Variants in MCCC2 observed in about 807,000 individuals in gnomAD.
The protein encoded by MCCC2 is methylcrotonyl-CoA carboxylase subunit 2.
Under a neutral mutation model 77.2 loss-of-function variants are expected in MCCC2, and 52 were observed. That is an observed-to-expected ratio of 0.67 (90% CI 0.54 to 0.85). The LOEUF (loss-of-function observed/expected upper bound fraction) is 0.85, where lower values mean the gene tolerates loss of function less well. Among genes scored for constraint, MCCC2 ranks in the 40% least tolerant of loss-of-function variants. The probability of loss-of-function intolerance (pLI) is 0.00; values close to 1 mark genes in which losing one functional copy is unlikely to be tolerated. For missense variants in MCCC2, 682 were observed against 703.2 expected, an observed-to-expected ratio of 0.97 and a Z score of 0.34; for synonymous variants, 253 against 248.4, an observed-to-expected ratio of 1.02 and a Z score of -0.18.
chr5:71,633,137 AT>A (rs1294234605), intron 8 of MCCC2, among the ~76,000 whole-genome samples: 3 of 68,118 alleles, frequency 4.4e-5, no homozygotes, highest in Middle Eastern at 0.011. Flanking sequence ...ATATATTTTT[AT>A]TTTTTGTAGA....
intron 6 of MCCC2, among the ~76,000 whole-genome samples, chr5:71,610,254 G>A (rs982295100): frequency 1.3e-4 from 20 of 152,192 alleles, no homozygotes; most frequent in African/African-American, 2.2e-4. Context: ...AGCCAGGTGC[G>A]GGATATAATC....
At chr5:71,630,780 T>C (rs765612232) in intron 7 of MCCC2, among the ~76,000 whole-genome samples, 8 of 152,176 alleles carry the variant, frequency 5.3e-5, no homozygotes, top group Non-Finnish European at 1.2e-4. Context: ...TTTCTTTTTG[T>C]TTCAGGGCTC....
At chr5:71,616,803 A>C (rs754250195) in intron 6 of MCCC2, among the ~76,000 whole-genome samples, 11 of 152,174 alleles carry the variant, frequency 7.2e-5, no homozygotes, top group Non-Finnish European at 1.5e-4. Context: ...CACAAAGTGA[A>C]CACATCCTAA....
rs775694469 is a variant in MCCC2 at position 71,643,811 on chromosome 5, C to A, written c.1073-8C>A. On this transcript the variant is annotated splice_region_variant and splice_polypyrimidine_tract_variant and intron_variant, in intron 11 of 16. Coordinates refer to ENST00000340941, the MANE Select transcript of MCCC2 (RefSeq NM_022132.5). Reference sequence around the variant, plus strand: ...AAGACATAAATCTTCTTTGAACTTTCTTTTGAGGATTTGCTCGAATATTTG... The same window carrying A: ...AAGACATAAATCTTCTTTGAACTTTATTTTGAGGATTTGCTCGAATATTTG... The A allele has an allele frequency of 6.2e-7, 1 of 1,614,046 alleles. No homozygotes were observed. The highest frequency in any genetic ancestry group is 1.1e-5 in the South Asian group (1 of 91,076).
intron 7 of MCCC2, among the ~76,000 whole-genome samples, chr5:71,627,125 G>T (rs527320499): frequency 6.6e-6 from 1 of 152,310 alleles, no homozygotes; most frequent in African/African-American, 2.4e-5. Context: ...ATTTCACTTA[G>T]CAAAACGTCT....
At chr5:71,611,983 T>G (rs1745969141) in intron 6 of MCCC2, among the ~76,000 whole-genome samples, 3 of 151,950 alleles carry the variant, frequency 2.0e-5, no homozygotes, top group Admixed American at 2.0e-4. Context: ...AGAGACAGGG[T>G]TTCACCACAT....
At chr5:71,645,333 T>A (rs1346371567) in intron 12 of MCCC2, among the ~76,000 whole-genome samples, 2 of 152,174 alleles carry the variant, frequency 1.3e-5, no homozygotes, top group Non-Finnish European at 2.9e-5. Flanking sequence ...CCAGCAGAAG[T>A]AAAGAGAAAT....
intron 1 of MCCC2, among the ~76,000 whole-genome samples, chr5:71,590,509 C>A (rs1394892089): frequency 3.9e-5 from 6 of 152,152 alleles, no homozygotes; most frequent in Admixed American, 2.6e-4. Context: ...TAGTTTCATT[C>A]CATTGTGATT....
intron 5 of MCCC2, among the ~76,000 whole-genome samples, chr5:71,603,684 GTC>G (rs779837388): frequency 3.3e-5 from 5 of 152,144 alleles, no homozygotes; most frequent in Non-Finnish European, 7.3e-5. Flanking sequence ...GGATTTTGTT[GTC>G]TCTGTCTTCA....
At chr5:71,651,391 T>G (rs1424287916) in intron 15 of MCCC2, among the ~76,000 whole-genome samples, 1 of 152,222 alleles carries the variant, frequency 6.6e-6, no homozygotes, top group Non-Finnish European at 1.5e-5. Context: ...ATTCTTTTGT[T>G]TGTGTCTCTG....
Position 71,633,131 on chromosome 5 carries a change from A to ATTTTTTTTTTTT in MCCC2, c.803+951_803+952insTTTTTTTTTTTT, listed in dbSNP as rs1306338509. The stretch of plus-strand genomic sequence containing the variant: ...TATATATATATATATATATATATAT[A>ATTTTTTTTTTTT]TTTTTATTTTTTGTAGAAACAGGTG... On this transcript the variant is annotated intron_variant, in intron 8 of 16. Coordinates refer to ENST00000340941, the MANE Select transcript of MCCC2 (RefSeq NM_022132.5). Among the ~76,000 whole-genome samples the ATTTTTTTTTTTT allele has an allele frequency of 1.1e-3, 83 of 78,046 alleles. 2 individuals carry two copies. The highest frequency in any genetic ancestry group is 4.9e-3 in the East Asian group (10 of 2,050). The allele number at this position is 78,046 out of a possible 152,430, so 51.2% of individuals were successfully genotyped here. A position where few individuals can be genotyped will look rare whatever the true frequency, so the allele number is the denominator to read the frequency against.
At chr5:71,644,026 C>T (rs999309824) in intron 12 of MCCC2, 131 bp downstream of exon 12, 25 of 907,946 alleles carry the variant, frequency 2.8e-5, no homozygotes, top group East Asian at 6.1e-5. Flanking sequence ...ACACTGTGTG[C>T]GCGGGCATGT....
At chr5:71,593,798 A>G (rs1745074389) in intron 2 of MCCC2, among the ~76,000 whole-genome samples, 1 of 152,240 alleles carries the variant, frequency 6.6e-6, no homozygotes, top group African/African-American at 2.4e-5. Context: ...CAACAAGTAT[A>G]TAATACTTAA....
chr5:71,628,433 G>A (rs1236020364), intron 7 of MCCC2, among the ~76,000 whole-genome samples: 1 of 152,108 alleles, frequency 6.6e-6, no homozygotes, highest in Admixed American at 6.6e-5. Flanking sequence ...TGCTTTTGGT[G>A]TCTTATCCAA....
At chr5:71,595,987 G>A (rs879193462) in intron 2 of MCCC2, among the ~76,000 whole-genome samples, 1 of 152,112 alleles carries the variant, frequency 6.6e-6, no homozygotes, top group Admixed American at 6.6e-5. Flanking sequence ...TGCAATATGT[G>A]AGCTGCAGAG....
chr5:71,656,889 A>T lies in MCCC2; in HGVS notation c.*29A>T, dbSNP rs768044995. 3 of 1,548,238 alleles carry T rather than the reference A, an allele frequency of 1.9e-6. No homozygotes were observed. Among genetic ancestry groups the T allele is most frequent in the East Asian group, 4.5e-5 (2 of 44,502 alleles). ...GAATAAAGGATGTTTTCTGTTGGACATGTACTGAAAATTAACACATGTAGT... is the reference window on the plus strand; with the variant it reads ...GAATAAAGGATGTTTTCTGTTGGACTTGTACTGAAAATTAACACATGTAGT... On this transcript the variant is annotated 3_prime_UTR_variant, in exon 17 of 17. Coordinates refer to ENST00000340941, the MANE Select transcript of MCCC2 (RefSeq NM_022132.5).
At chr5:71,609,000 A>AT (rs1269460504) in intron 6 of MCCC2, among the ~76,000 whole-genome samples, 3 of 151,418 alleles carry the variant, frequency 2.0e-5, no homozygotes, top group Non-Finnish European at 4.4e-5. Flanking sequence ...TGCCCTTAAC[A>AT]TTTTTTCCTT....
chr5:71,634,681 G>A (rs949525145), intron 8 of MCCC2, among the ~76,000 whole-genome samples: 24 of 152,192 alleles, frequency 1.6e-4, no homozygotes, highest in Non-Finnish European at 2.9e-5. Flanking sequence ...GGGTTCTTAT[G>A]TAGCTACTTG....
At chr5:71,654,708 T>C (rs995727657) in intron 16 of MCCC2, among the ~76,000 whole-genome samples, 2 of 152,156 alleles carry the variant, frequency 1.3e-5, no homozygotes, top group Non-Finnish European at 2.9e-5. Flanking sequence ...GCATCTTTTA[T>C]TATTTTCATA....
Sources: allele counts gnomAD v4.1 joint callset (sites outside exome capture counted in the v4.1 genomes callset), GRCh38; gene constraint gnomAD v4.1.1; transcripts MANE v1.5; gene names NCBI Gene and HGNC (gene_info 2026-07-23, HGNC 2026-07-21).